The following SPMAP2L variants were observed in gnomAD, a reference collection of about 807,000 sequenced individuals.
SPMAP2L encodes the protein sperm microtubule associated protein 2 like, also known as sperm microtubule associated protein 2-like.
chr4:56,621,665 GA>G, the SPMAP2L span, among the ~76,000 whole-genome samples: 3 of 152,292 alleles, frequency 2.0e-5, no homozygotes, highest in Non-Finnish European at 4.4e-5. Flanking sequence ...TATAGCTATG[GA>G]AAAATATAAA....
At chr4:56,545,388 C>G in the SPMAP2L span, among the ~76,000 whole-genome samples, 1 of 152,082 alleles carries the variant, frequency 6.6e-6, no homozygotes, top group East Asian at 1.9e-4. Context: ...ACACATAAAC[C>G]AATGAAAATA....
chr4:56,600,339 G>A, the SPMAP2L span, among the ~76,000 whole-genome samples: 1 of 151,980 alleles, frequency 6.6e-6, no homozygotes, highest in Non-Finnish European at 1.5e-5. Flanking sequence ...CTGTTGCCAG[G>A]CTGGAGTGCT....
chr4:56,611,910 C>T, the SPMAP2L span, among the ~76,000 whole-genome samples: 1 of 152,324 alleles, frequency 6.6e-6, no homozygotes, highest in South Asian at 2.1e-4. Flanking sequence ...TCCAAAGCCT[C>T]CCCACACCCC....
the SPMAP2L span, among the ~76,000 whole-genome samples, chr4:56,549,426 C>A: frequency 1.4e-4 from 22 of 152,266 alleles, no homozygotes; most frequent in South Asian, 4.6e-3. Context: ...TCCAGTTCAA[C>A]GTATCCCAAT....
At chr4:56,559,379 T>C in the SPMAP2L span, 5 of 1,482,764 alleles carry the variant, frequency 3.4e-6, no homozygotes, top group South Asian at 1.3e-5. Flanking sequence ...TTTATCTGTA[T>C]GCTTCTTAAC....
chr4:56,543,144 T>C, the SPMAP2L span, among the ~76,000 whole-genome samples: 17 of 150,638 alleles, frequency 1.1e-4, no homozygotes, highest in African/African-American at 2.0e-4. Flanking sequence ...AGTGCAGGGG[T>C]GCGATCTTGG....
the SPMAP2L span, chr4:56,595,631 C>T: frequency 8.0e-7 from 1 of 1,256,764 alleles, no homozygotes; most frequent in East Asian, 2.3e-5. Context: ...GGATTGATGA[C>T]ATATATGGAG....
the SPMAP2L span, among the ~76,000 whole-genome samples, chr4:56,570,512 C>A: frequency 6.6e-6 from 1 of 152,056 alleles, no homozygotes; most frequent in African/African-American, 2.4e-5. Flanking sequence ...ATTTGTGTAT[C>A]TAAACATATC....
At chr4:56,585,874 T>G in the SPMAP2L span, among the ~76,000 whole-genome samples, 2 of 152,178 alleles carry the variant, frequency 1.3e-5, no homozygotes, top group Non-Finnish European at 2.9e-5. Context: ...TTAAATCTAA[T>G]CAGTTTGGAA....
At chr4:56,622,296 A>G in the SPMAP2L span, among the ~76,000 whole-genome samples, 2 of 152,266 alleles carry the variant, frequency 1.3e-5, no homozygotes, top group Non-Finnish European at 2.9e-5. Flanking sequence ...TGCATGAAGC[A>G]GCATTATTTA....
At chr4:56,561,015 G>A in the SPMAP2L span, among the ~76,000 whole-genome samples, 1 of 152,140 alleles carries the variant, frequency 6.6e-6, no homozygotes, top group Non-Finnish European at 1.5e-5. Context: ...CAAAGTGCTG[G>A]GATTACATGC....
the SPMAP2L span, chr4:56,595,334 CT>C: frequency 3.7e-6 from 6 of 1,609,250 alleles, no homozygotes; most frequent in Non-Finnish European, 5.1e-6. Flanking sequence ...TTTCACGCCC[CT>C]ATCATGCCCT....
the SPMAP2L span, among the ~76,000 whole-genome samples, chr4:56,619,024 C>T: frequency 1.3e-5 from 2 of 152,146 alleles, no homozygotes; most frequent in Non-Finnish European, 2.9e-5. Flanking sequence ...TGCTTTATCT[C>T]TTTGCTTTCC....
the SPMAP2L span, chr4:56,593,838 T>A: frequency 6.2e-7 from 1 of 1,610,766 alleles, no homozygotes; most frequent in East Asian, 2.2e-5. Flanking sequence ...ATGGCAGCCA[T>A]GTTTGCAATC....
chr4:56,550,672 A>T, the SPMAP2L span, among the ~76,000 whole-genome samples: 3 of 152,270 alleles, frequency 2.0e-5, no homozygotes, highest in African/African-American at 7.2e-5. Flanking sequence ...GTGTGGTTTC[A>T]AAAAAGTTTT....
the SPMAP2L span, among the ~76,000 whole-genome samples, chr4:56,572,821 GC>G: frequency 6.6e-6 from 1 of 152,128 alleles, no homozygotes; most frequent in East Asian, 1.9e-4. Flanking sequence ...TTCGAGACCA[GC>G]CTGGCCAACA....
At chr4:56,593,298 G>T in the SPMAP2L span, 2 of 1,181,770 alleles carry the variant, frequency 1.7e-6, no homozygotes, top group Non-Finnish European at 2.5e-6. Context: ...ACAGACACAA[G>T]AGGAGGAAAT....
At chr4:56,537,973 G>A in the SPMAP2L span, among the ~76,000 whole-genome samples, 18 of 151,826 alleles carry the variant, frequency 1.2e-4, no homozygotes, top group African/African-American at 3.4e-4. Context: ...GATTACAGGC[G>A]TGAGCCACCG....
chr4:56,558,456 A>C, the SPMAP2L span, among the ~76,000 whole-genome samples: 1 of 152,222 alleles, frequency 6.6e-6, no homozygotes, highest in African/African-American at 2.4e-5. Flanking sequence ...TTGTGGGTAC[A>C]TAGTAAGTTT....
Sources: allele counts gnomAD v4.1 joint callset (sites outside exome capture counted in the v4.1 genomes callset), GRCh38; gene constraint gnomAD v4.1.1; transcripts MANE v1.5; gene names NCBI Gene and HGNC (gene_info 2026-07-23, HGNC 2026-07-21).